The following ABCB8 variants were observed in gnomAD, a reference collection of about 807,000 sequenced individuals.
The protein encoded by ABCB8 is mitochondrial potassium channel ATP-binding subunit.
ABCB8 carries 52 observed loss-of-function variants against 73.0 expected under a neutral mutation model. That is an observed-to-expected ratio of 0.71 (90% CI 0.57 to 0.90). The LOEUF is 0.90. ABCB8 is among the 40% of genes least tolerant of loss of function. The pLI is 0.00. For missense variants in ABCB8, 909 were observed against 974.6 expected (o/e 0.93, Z 0.90); for synonymous variants, 428 against 423.5 (o/e 1.01, Z -0.13).
At position 151,033,689 on chromosome 7, in the gene ABCB8, C is replaced by A; in HGVS notation, c.180C>A (p.Ala60=). Residue 60 remains alanine, a synonymous_variant, in exon 2 of 16, where the codon GCC becomes GCA. Transcript: ENST00000358849. ...RSQLWAHLPR[A]PLAPRWSPSA... ...AGCTCTGGGCCCACCTCCCTCGAGC[C>A]CCCCTAGCTCCCAGATGGAGCCCCT... is the stretch of plus-strand genomic sequence containing the variant. 2 of 1,612,408 alleles carry A rather than the reference C, an allele frequency of 1.2e-6. No individual in the cohort carries two copies. Among genetic ancestry groups the A allele is most frequent in the Non-Finnish European group, 1.7e-6 (2 of 1,179,026 alleles).
chr7:151,034,854 A>G, intron 5 of ABCB8, 25 bp downstream of exon 5: 1 of 1,580,038 alleles, frequency 6.3e-7, no homozygotes, highest in South Asian at 1.1e-5. Context: ...GGCCCCCACC[A>G]CGTCCACACA....
chr7:151,034,421 G>T lies in ABCB8; in HGVS notation c.557G>T (p.Gly186Val), dbSNP rs199779317. The change falls in exon 3 of 16, where the codon GGT becomes GTT. Residue 186 changes from glycine to valine, a missense_variant. Physicochemically the swap from Gly to Val is moderately radical, Grantham distance 109. Transcript: ENST00000358849. Reference sequence around the variant, plus strand: ...AGCACCCACCTGCTTATCCTCTATGGTGTCCAGGTACAGCCGGGAGTGGGG... The same window carrying T: ...AGCACCCACCTGCTTATCCTCTATGTTGTCCAGGTACAGCCGGGAGTGGGG... ...NLSTHLLILY[G>V]VQGLLTFGYL... is the part of the protein sequence containing the mutation. 3.1e-6 allele frequency: 5 copies of T among 1,613,878 alleles called. No homozygotes were observed. Among genetic ancestry groups the T allele is most frequent in the Non-Finnish European group, 4.2e-6 (5 of 1,180,008 alleles).
At position 151,034,725 on chromosome 7, in the gene ABCB8, C is replaced by T. The variant is rs1258853916; in HGVS notation, c.661C>T (p.Gln221Ter). ...TTATTGGTTCTTGTCCCATGCCAGA[C>T]AAGACATCACCTTCTTTGACGCCAA... The part of the protein sequence containing the change: ...RRALFSSLLR[Q>*]DITFFDANKT... Residue 221 changes from glutamine to a stop codon, truncating the protein, a stop_gained and splice_region_variant, in exon 5 of 16, where the codon CAA becomes TAA. Transcript: ENST00000358849. LOFTEE classifies it high-confidence loss of function. 9 of 1,613,796 alleles carry T rather than the reference C, an allele frequency of 5.6e-6. No homozygotes were observed. The highest frequency in any genetic ancestry group is 7.6e-6 in the Non-Finnish European group (9 of 1,179,850).
intron 2 of ABCB8, 121 bp downstream of exon 2, chr7:151,034,038 G>C (rs546835437): frequency 3.1e-6 from 4 of 1,306,314 alleles, no homozygotes; most frequent in Admixed American, 5.5e-5. Flanking sequence ...GGGCTAGCCA[G>C]GGGTCCAGGG....
Position 151,043,977 on chromosome 7 carries a change from G to A in ABCB8, c.1772G>A (p.Arg591Gln), listed in dbSNP as rs746012713. Residue 591 changes from arginine to glutamine, a missense_variant, in exon 15 of 16, where the codon CGG becomes CAG. Physicochemically the swap from Arg to Gln is conservative, Grantham distance 43. Coordinates refer to ENST00000358849, the MANE Select transcript of ABCB8 (RefSeq NM_007188.5). The part of the protein sequence containing the change: ...PEGYNTVVGE[R>Q]GTTLSGGQKQ... ...CCTGCCCCTCCCTTCCCAGGTGAAC[G>A]GGGCACTACCCTGTCTGGGGGCCAG... 8.7e-6 allele frequency: 14 copies of A among 1,609,262 alleles called. No homozygotes were observed. Among genetic ancestry groups the A allele is most frequent in the East Asian group, 6.7e-5 (3 of 44,740 alleles).
rs1796615789 is a variant in ABCB8 at position 151,046,447 on chromosome 7, G to C, written c.*1098G>C. 6.6e-6 allele frequency: 1 copy of C among 152,296 alleles called. No homozygotes were observed. The highest frequency in any genetic ancestry group is 6.5e-5 in the Admixed American group (1 of 15,286). 9.4% of individuals were successfully genotyped at this position (152,296 alleles called of 1,614,324 possible). On this transcript the variant is annotated 3_prime_UTR_variant, in exon 16 of 16. Coordinates refer to ENST00000358849, the MANE Select transcript of ABCB8 (RefSeq NM_007188.5). ...GCTAGGCTCCAGCTGGCTTCTGAGG[G>C]GCCTGGAAAGGCACACAAGTAGGTC...
At chr7:151,031,162 A>G in intron 1 of ABCB8, 1 of 915,004 alleles carries the variant, frequency 1.1e-6, no homozygotes, top group Non-Finnish European at 1.7e-6. Context: ...GTGCTCAACA[A>G]GCATAAACAT....
chr7:151,033,698 TC>T lies in ABCB8; in HGVS notation c.192del (p.Arg65AspfsTer15), dbSNP rs772467894. On this transcript the variant is annotated frameshift_variant, in exon 2 of 16. Coordinates refer to ENST00000358849, the MANE Select transcript of ABCB8 (RefSeq NM_007188.5). LOFTEE classifies it high-confidence loss of function. The part of the protein sequence containing the change: ...WAHLPRAPLA[P>X]RWSPSAWCWV... ...CCCACCTCCCTCGAGCCCCCCTAGCTCCCAGATGGAGCCCCTCTGCCTGGTG... is the reference window on the plus strand; with the variant it reads ...CCCACCTCCCTCGAGCCCCCCTAGCTCCAGATGGAGCCCCTCTGCCTGGTG... The T allele has an allele frequency of 6.2e-7, 1 of 1,613,370 alleles. No homozygotes were observed. The highest frequency in any genetic ancestry group is 1.1e-5 in the South Asian group (1 of 91,038).
intron 10 of ABCB8, 46 bp downstream of exon 10, chr7:151,040,347 CGT>C: frequency 6.2e-7 from 1 of 1,606,738 alleles, no homozygotes; most frequent in Non-Finnish European, 8.5e-7. Context: ...GAGTTTGTGC[CGT>C]GTGTGCCGCT....
At chr7:151,032,948 G>C (rs1173751725) in intron 1 of ABCB8, 1 of 452,542 alleles carries the variant, frequency 2.2e-6, no homozygotes, top group African/African-American at 2.0e-5. Context: ...AGTAGAGCCA[G>C]CCTGGGTGCT....
At chr7:151,029,021 G>A in intron 1 of ABCB8, 1 of 1,186,402 alleles carries the variant, frequency 8.4e-7, no homozygotes. Context: ...TGTTCAGCAG[G>A]GATAAAGAGC....
intron 5 of ABCB8, 32 bp from the exon 6 acceptor site, chr7:151,035,549 C>A: frequency 6.4e-7 from 1 of 1,562,316 alleles, no homozygotes; most frequent in Non-Finnish European, 8.7e-7. Flanking sequence ...GTGCGGACGC[C>A]GTAGCCTCCC....
chr7:151,034,234 C>A, intron 2 of ABCB8, 39 bp from the exon 3 acceptor site: 1 of 1,580,992 alleles, frequency 6.3e-7, no homozygotes, highest in South Asian at 1.2e-5. Context: ...AGTGGCTCCC[C>A]CACTTAAAAC....
Position 151,045,950 on chromosome 7 carries a change from G to A in ABCB8, c.*601G>A, listed in dbSNP as rs542259233. The A allele has an allele frequency of 4.6e-5, 7 of 152,446 alleles. No homozygotes were observed. The East Asian group carries it at 7.7e-4, about 17-fold the overall frequency. 9.4% of individuals were successfully genotyped at this position (152,446 alleles called of 1,614,324 possible). ...AACCTCCCTCCTTTCTCCCTGCACA[G>A]TGAACACAGTCCTGATTTCTAGATT... On this transcript the variant is annotated 3_prime_UTR_variant, in exon 16 of 16. Transcript: ENST00000358849.
Position 151,028,483 on chromosome 7 carries a change from T to A in ABCB8, c.-33T>A. 6.3e-7 allele frequency: 1 copy of A among 1,597,926 alleles called. No homozygotes were observed. The highest frequency in any genetic ancestry group is 8.5e-7 in the Non-Finnish European group (1 of 1,172,456). On this transcript the variant is annotated 5_prime_UTR_variant, in exon 1 of 16. Coordinates refer to ENST00000358849, the MANE Select transcript of ABCB8 (RefSeq NM_007188.5). ...CTCAGTGGGATGAGGGTGAAACTGC[T>A]ATTGCCGGCGGCTCCTGTTTTACCG...
At chr7:151,031,202 C>G in intron 1 of ABCB8, 1 of 1,283,086 alleles carries the variant, frequency 7.8e-7, no homozygotes, top group Non-Finnish European at 1.1e-6. Flanking sequence ...TACCGGAGTT[C>G]TGCCAGTGCT....
At chr7:151,040,122 T>C (rs1796414571) in intron 9 of ABCB8, 146 bp from the exon 10 acceptor site, 1 of 892,386 alleles carries the variant, frequency 1.1e-6, no homozygotes, top group Non-Finnish European at 1.7e-6. Context: ...GTCCCAGGGC[T>C]CTACGCCCCC....
In ABCB8 at chr7:151,036,661, C is replaced by A; in HGVS notation, c.1217+12C>A. ...CAGACAGTGCAAAGGTAAGTGGGGG[C>A]CGTTCCCATTGCTACAGAGCCCCCT... On this transcript the variant is annotated intron_variant, in intron 9 of 15. Coordinates refer to ENST00000358849, the MANE Select transcript of ABCB8 (RefSeq NM_007188.5). 2 of 1,584,000 alleles carry A rather than the reference C, an allele frequency of 1.3e-6. No homozygotes were observed. The highest frequency in any genetic ancestry group is 1.7e-6 in the Non-Finnish European group (2 of 1,160,670).
At chr7:151,044,362 T>C (rs999956599) in intron 15 of ABCB8, 141 bp downstream of exon 15, 2 of 1,381,670 alleles carry the variant, frequency 1.4e-6, no homozygotes, top group Admixed American at 4.5e-5. Context: ...GCGTCCCATA[T>C]AGAGTCAGGA....
Sources: allele counts gnomAD v4.1 joint callset, GRCh38; gene constraint gnomAD v4.1.1; transcripts MANE v1.5; gene names NCBI Gene and HGNC (gene_info 2026-07-23, HGNC 2026-07-21).